The following TBC1D5 variants were observed in gnomAD, a reference collection of about 807,000 sequenced individuals.
TBC1D5 encodes the protein TBC1 domain family member 5, also known as TBC1 domain family, member 5.
In TBC1D5, 75 loss-of-function variants were observed where a neutral mutation model predicts 100.3. The ratio of observed to expected loss-of-function variants is 0.75; its 90% CI spans 0.62 to 0.91. TBC1D5 has a LOEUF of 0.91. Ranked by LOEUF, TBC1D5 falls within the 40% of genes least tolerant of loss-of-function variation. The pLI is 0.00. For synonymous variants in TBC1D5, 323 were observed against 325.6 expected (o/e 0.99, Z 0.09); for missense variants, 910 against 942.4 (o/e 0.97, Z 0.45).
chr3:17,387,457 C>A (rs1419499196), intron 8 of TBC1D5, among the ~76,000 whole-genome samples: 1 of 151,946 alleles, frequency 6.6e-6, no homozygotes, highest in Non-Finnish European at 1.5e-5. Flanking sequence ...TATACCTAGA[C>A]AATAACATAG....
intron 2 of TBC1D5, among the ~76,000 whole-genome samples, chr3:17,556,010 T>C (rs1177926390): frequency 1.3e-5 from 2 of 152,104 alleles, no homozygotes; most frequent in Non-Finnish European, 2.9e-5. Context: ...CCACTGAAAT[T>C]GCTGATATTT....
chr3:17,558,408 A>G (rs570422081), intron 2 of TBC1D5, among the ~76,000 whole-genome samples: 2 of 152,334 alleles, frequency 1.3e-5, no homozygotes, highest in African/African-American at 4.8e-5. Flanking sequence ...TTAATAACAT[A>G]GTCAATATAA....
intron 15 of TBC1D5, among the ~76,000 whole-genome samples, chr3:17,275,736 G>C (rs1182837725): frequency 6.6e-6 from 1 of 152,206 alleles, no homozygotes; most frequent in East Asian, 1.9e-4. Context: ...AAGAGTCAAA[G>C]AGGCACATAT....
chr3:17,253,499 T>C (rs1310715738), intron 16 of TBC1D5, among the ~76,000 whole-genome samples: 1 of 152,202 alleles, frequency 6.6e-6, no homozygotes, highest in African/African-American at 2.4e-5. Flanking sequence ...TAGGTATAAT[T>C]TATATATAAT....
exon 22 of TBC1D5, chr3:17,160,887 C>CTGGA: frequency 6.6e-7 from 1 of 1,515,912 alleles, no homozygotes; most frequent in Non-Finnish European, 8.9e-7. Flanking sequence ...AGGTTCTCCA[C>CTGGA]TGGATGAGCC....
At chr3:17,702,154 A>G (rs991526273) in intron 1 of TBC1D5, 3 of 152,160 alleles carry the variant, frequency 2.0e-5, no homozygotes, top group South Asian at 2.1e-4. Context: ...GTCGTCTTCA[A>G]TGTGAGGTGA....
intron 13 of TBC1D5, among the ~76,000 whole-genome samples, chr3:17,368,818 G>A (rs1324672556): frequency 1.3e-5 from 2 of 151,860 alleles, no homozygotes; most frequent in African/African-American, 4.8e-5. Flanking sequence ...CACTTTAGAT[G>A]ACACCATTAT....
chr3:17,374,011 T>C (rs1322209479), intron 12 of TBC1D5, among the ~76,000 whole-genome samples: 1 of 152,136 alleles, frequency 6.6e-6, no homozygotes, highest in Non-Finnish European at 1.5e-5. Context: ...ATGTGAATTA[T>C]ATAAAAATTT....
intron 17 of TBC1D5, among the ~76,000 whole-genome samples, chr3:17,235,435 G>A (rs1175930156): frequency 6.6e-6 from 1 of 152,184 alleles, no homozygotes; most frequent in African/African-American, 2.4e-5. Flanking sequence ...CTAAGTAGAT[G>A]ACTCTGTTCT....
intron 1 of TBC1D5, among the ~76,000 whole-genome samples, chr3:17,686,300 CTACCCATAGTA>C (rs1020606035): frequency 3.9e-5 from 6 of 152,102 alleles, no homozygotes; most frequent in Admixed American, 1.3e-4. Flanking sequence ...AAGGTTTTAT[CTACCCATAGTA>C]TAGCATTCTT....
chr3:17,488,037 T>C (rs78470539), intron 3 of TBC1D5, among the ~76,000 whole-genome samples: 9,233 of 152,252 alleles, frequency 0.061, 542 homozygotes, highest in African/African-American at 0.15. Flanking sequence ...CTATACATTT[T>C]ATATGCTTTG....
chr3:17,721,429 CAA>C (rs1382038261), intron 1 of TBC1D5, among the ~76,000 whole-genome samples: 6 of 150,428 alleles, frequency 4.0e-5, no homozygotes, highest in African/African-American at 9.8e-5. Context: ...ACTTCAACAT[CAA>C]GAGACAGAAA....
chr3:17,593,821 C>T (rs1274131394), intron 2 of TBC1D5, among the ~76,000 whole-genome samples: 1 of 152,164 alleles, frequency 6.6e-6, no homozygotes, highest in Non-Finnish European at 1.5e-5. Flanking sequence ...AATTACAACG[C>T]CAACTAGGTG....
intron 1 of TBC1D5, among the ~76,000 whole-genome samples, chr3:17,633,273 C>A (rs2063642233): frequency 6.6e-6 from 1 of 151,984 alleles, no homozygotes; most frequent in African/African-American, 2.4e-5. Context: ...CTCGTCTCTA[C>A]TAAAAAATAC....
intron 3 of TBC1D5, among the ~76,000 whole-genome samples, chr3:17,454,333 C>A (rs1035013712): frequency 6.6e-6 from 1 of 152,072 alleles, no homozygotes; most frequent in African/African-American, 2.4e-5. Flanking sequence ...AGCAAATTAT[C>A]CTTGTTTGCA....
intron 8 of TBC1D5, among the ~76,000 whole-genome samples, chr3:17,387,575 T>C (rs2093204319): frequency 1.3e-5 from 2 of 151,990 alleles, no homozygotes; most frequent in African/African-American, 4.8e-5. Flanking sequence ...GTAGCATTTC[T>C]AGGAATAGTA....
At chr3:17,432,957 C>T (rs1194492080) in intron 3 of TBC1D5, among the ~76,000 whole-genome samples, 1 of 152,106 alleles carries the variant, frequency 6.6e-6, no homozygotes, top group African/African-American at 2.4e-5. Context: ...CAAAAATGTT[C>T]CAAAGCAAAA....
At chr3:17,581,437 T>G (rs2096695904) in intron 2 of TBC1D5, among the ~76,000 whole-genome samples, 1 of 152,182 alleles carries the variant, frequency 6.6e-6, no homozygotes, top group African/African-American at 2.4e-5. Flanking sequence ...CTCTACCAGA[T>G]AGACATCTCC....
At chr3:17,167,065 A>G (rs2066687622) in intron 20 of TBC1D5, 137 bp from the exon 22 acceptor site, 1 of 898,460 alleles carries the variant, frequency 1.1e-6, no homozygotes, top group African/African-American at 1.7e-5. Flanking sequence ...TTTTACTATA[A>G]GAAACAAATA....
Sources: gnomAD v4.1 joint callset for allele counts (sites outside exome capture counted in the v4.1 genomes callset) on GRCh38, gnomAD v4.1.1 for gene constraint, MANE v1.5 for transcripts, NCBI Gene and HGNC (gene_info 2026-07-23, HGNC 2026-07-21) for gene names.